The following AKAP11 variants were observed in gnomAD, a reference collection of about 807,000 sequenced individuals.
AKAP11 encodes A-kinase anchor protein 11.
Under a neutral mutation model 146.1 loss-of-function variants are expected in AKAP11, and 36 were observed. That is an observed-to-expected ratio of 0.25 (90% CI 0.19 to 0.33). The LOEUF (loss-of-function observed/expected upper bound fraction) is 0.33. Ranked by LOEUF, AKAP11 falls within the 10% of genes least tolerant of loss-of-function variation. The probability of loss-of-function intolerance (pLI) is 1.00; values close to 1 mark genes in which losing one functional copy is unlikely to be tolerated. For missense variants in AKAP11, 2,201 were observed against 2,197.0 expected, an observed-to-expected ratio of 1.00 and a Z score of -0.04; for synonymous variants, 780 against 786.5, an observed-to-expected ratio of 0.99 and a Z score of 0.14.
intron 12 of AKAP11, 151 bp from the exon 13 acceptor site, chr13:42,318,937 G>A (rs147501807): frequency 7.5e-5 from 65 of 871,602 alleles, no homozygotes; most frequent in South Asian, 3.8e-4. Flanking sequence ...AAGGGGTAGC[G>A]GTTTAGAGGG....
intron 1 of AKAP11, among the ~76,000 whole-genome samples, chr13:42,283,371 T>C (rs1057278551): frequency 6.6e-6 from 1 of 152,202 alleles, no homozygotes; most frequent in East Asian, 1.9e-4. Context: ...AGGGGCATGA[T>C]TATATTTGTC....
rs761048330 is a variant in AKAP11 at position 42,292,339 on chromosome 13, T to A, written c.52-46T>A. On this transcript the variant is annotated intron_variant, in intron 3 of 12. Transcript: ENST00000025301. Reference sequence around the variant, plus strand: ...TCTCCAGGATCTCTTACCCTTGTCTTAGAATTAAATAAATTTGAAATATCT... The same window carrying A: ...TCTCCAGGATCTCTTACCCTTGTCTAAGAATTAAATAAATTTGAAATATCT... The A allele has an allele frequency of 5.6e-6, 7 of 1,244,212 alleles. No individual in the cohort carries two copies. In the Middle Eastern group the frequency reaches 9.7e-4, roughly 173 times the overall value. 77.1% of individuals were successfully genotyped at this position (1,244,212 alleles called of 1,614,324 possible).
chr13:42,271,998 C>A (rs1199686394), upstream of AKAP11, among the ~76,000 whole-genome samples: 1 of 150,546 alleles, frequency 6.6e-6, no homozygotes, highest in African/African-American at 2.4e-5. Flanking sequence ...GCGCTGCCCT[C>A]TCGCGAGAGA....
In AKAP11 at chr13:42,321,805, G is replaced by T. The variant is rs898770643; in HGVS notation, c.*2577G>T. On this transcript the variant is annotated 3_prime_UTR_variant, in exon 13 of 13. Coordinates refer to ENST00000025301, the MANE Select transcript of AKAP11 (RefSeq NM_016248.4). The stretch of plus-strand genomic sequence containing the variant: ...TAATATTGCTGTGCTGTACATTTTG[G>T]CCCTTACGAAATACGTCTTTTTCAG... 1 of 152,180 alleles carries T rather than the reference G, an allele frequency of 6.6e-6. No homozygotes were observed. Among genetic ancestry groups the T allele is most frequent in the Non-Finnish European group, 1.5e-5 (1 of 67,982 alleles). The allele number at this position is 152,180 out of a possible 1,614,324, so 9.4% of individuals were successfully genotyped here. A position where few individuals can be genotyped will look rare whatever the true frequency, so the allele number is the denominator to read the frequency against.
chr13:42,313,190 A>C, intron 10 of AKAP11, 60 bp downstream of exon 10: 46 of 1,280,332 alleles, frequency 3.6e-5, no homozygotes, highest in Non-Finnish European at 4.5e-5. Context: ...GCATGATGTC[A>C]TATTCTTCAA....
At chr13:42,285,865 C>T (rs1425854617) in intron 1 of AKAP11, 121 bp from the exon 2 acceptor site, 2 of 152,410 alleles carry the variant, frequency 1.3e-5, no homozygotes, top group East Asian at 3.8e-4. Context: ...ATGTCAAGAG[C>T]ATTCACTGTT....
In AKAP11 at chr13:42,321,870, T is replaced by A. The variant is rs1388628300; in HGVS notation, c.*2642T>A. The A allele has an allele frequency of 6.6e-6, 1 of 152,308 alleles. No homozygotes were observed. Among genetic ancestry groups the A allele is most frequent in the Non-Finnish European group, 1.5e-5 (1 of 68,006 alleles). 9.4% of individuals were successfully genotyped at this position (152,308 alleles called of 1,614,324 possible). On this transcript the variant is annotated 3_prime_UTR_variant, in exon 13 of 13. Transcript: ENST00000025301. The stretch of plus-strand genomic sequence containing the variant: ...TGATGTACATCGAGCTGAATTCTGT[T>A]TTTACCAGTTTCAAAACCTTCAAGT...
chr13:42,277,035 A>G (rs1471568123), intron 1 of AKAP11, among the ~76,000 whole-genome samples: 2 of 152,222 alleles, frequency 1.3e-5, no homozygotes, highest in Non-Finnish European at 2.9e-5. Context: ...TGAAAGCACA[A>G]TCTCAAGATT....
At chr13:42,289,495 AT>A (rs1290850927) in intron 3 of AKAP11, among the ~76,000 whole-genome samples, 4 of 151,988 alleles carry the variant, frequency 2.6e-5, no homozygotes, top group Admixed American at 2.0e-4. Flanking sequence ...AGTTGCTCAA[AT>A]TTTTCCAAAA....
rs201642251 is a variant in AKAP11 at position 42,308,545 on chromosome 13, T to G, written c.5209T>G (p.Ser1737Ala). 6.2e-7 allele frequency: 1 copy of G among 1,613,492 alleles called. No individual in the cohort carries two copies. Among genetic ancestry groups the G allele is most frequent in the East Asian group, 2.2e-5 (1 of 44,862 alleles). ...SIGDDSTGSW[S>A]NLSFEDEHQD... is the part of the protein sequence containing the mutation. ...TGGTGATGACAGCACTGGTAGCTGG[T>G]CCAATTTAAGTTTTGAAGATGAACA... Residue 1737 changes from serine (S) to alanine (A), a missense_variant, in exon 9 of 13, where the codon TCC (serine) becomes GCC (alanine). Physicochemically the swap from Ser to Ala is moderately conservative, Grantham distance 99 (BLOSUM62 1). Around this residue, in one of 3 missense-constraint regions of AKAP11, gnomAD observed 1,867 missense variants for 1,833.5 expected, o/e 1.02. Coordinates refer to ENST00000025301, the MANE Select transcript of AKAP11 (RefSeq NM_016248.4).
intron 1 of AKAP11, among the ~76,000 whole-genome samples, chr13:42,277,819 T>C (rs1388478681): frequency 6.6e-6 from 1 of 152,246 alleles, no homozygotes; most frequent in Non-Finnish European, 1.5e-5. Flanking sequence ...TGAAATTCAC[T>C]GTTGTATCCC....
At position 42,321,121 on chromosome 13, in the gene AKAP11, A is replaced by G. The variant is rs1455816074; in HGVS notation, c.*1893A>G. The G allele has an allele frequency of 6.6e-6, 1 of 152,336 alleles. No individual in the cohort carries two copies. The highest frequency in any genetic ancestry group is 1.9e-4 in the East Asian group (1 of 5,342). 9.4% of individuals were successfully genotyped at this position (152,336 alleles called of 1,614,324 possible). A position where few individuals can be genotyped will look rare whatever the true frequency, so the allele number is the denominator to read the frequency against. On this transcript the variant is annotated 3_prime_UTR_variant, in exon 13 of 13. Transcript: ENST00000025301. The stretch of plus-strand genomic sequence containing the variant: ...CTAGGAATGTTTGCTCTTGTTAATT[A>G]TGAATTAATTGATTATTAAGTTTAG...
intron 5 of AKAP11, among the ~76,000 whole-genome samples, chr13:42,295,991 A>G (rs1959490340): frequency 6.6e-6 from 1 of 152,250 alleles, no homozygotes. Context: ...ATTTGTAAAA[A>G]TTAACAATTA....
chr13:42,292,331 C>A, intron 3 of AKAP11, 54 bp from the exon 4 acceptor site: 1 of 1,134,656 alleles, frequency 8.8e-7, no homozygotes, highest in Non-Finnish European at 1.3e-6. Context: ...GATCTCTTAC[C>A]CTTGTCTTAG....
At position 42,276,946 on chromosome 13, in the gene AKAP11, C is replaced by T. The variant is rs541700325; in HGVS notation, c.-100+4718C>T. Among the ~76,000 whole-genome samples, 18 of 152,258 alleles carry T rather than the reference C, an allele frequency of 1.2e-4. 1 individual carries two copies. In the South Asian group the frequency reaches 3.7e-3, roughly 32 times the overall value. On this transcript the variant is annotated intron_variant, in intron 1 of 12. Transcript: ENST00000025301. Reference sequence around the variant, plus strand: ...TGGGTTAAAATTCTGAACATATTTTCTGTTAGAAATAGTCTTGTGGATAGG... The same window carrying T: ...TGGGTTAAAATTCTGAACATATTTTTTGTTAGAAATAGTCTTGTGGATAGG...
Position 42,303,104 on chromosome 13 carries a change from A to G in AKAP11, c.4358A>G (p.Gln1453Arg). 2.5e-6 allele frequency: 4 copies of G among 1,614,168 alleles called. No homozygotes were observed. The highest frequency in any genetic ancestry group is 3.4e-6 in the Non-Finnish European group (4 of 1,180,034). ...TLDPYRNEVS[Q>R]LYSFSTSLVH... ...GATCCATATAGAAATGAGGTCTCCC[A>G]ACTGTATAGTTTTTCAACCTCTCTG... The change falls in exon 8 of 13, where the codon CAA (glutamine) becomes CGA (arginine). Residue 1453 changes from glutamine (Q) to arginine (R), a missense_variant. Physicochemically the swap from Gln to Arg is conservative, Grantham distance 43. Coordinates refer to ENST00000025301, the MANE Select transcript of AKAP11 (RefSeq NM_016248.4).
rs1959940283 is a variant in AKAP11, at chr13:42,301,942, T to C, written c.3196T>C (p.Phe1066Leu). 1.9e-6 allele frequency: 3 copies of C among 1,614,076 alleles called. No homozygotes were observed. The highest frequency in any genetic ancestry group is 2.5e-6 in the Non-Finnish European group (3 of 1,180,026). Residue 1066 changes from phenylalanine (F) to leucine (L), a missense_variant, in exon 8 of 13, where the codon TTT becomes CTT. Around this residue, in one of 3 missense-constraint regions of AKAP11, gnomAD observed 1,867 missense variants for 1,833.5 expected, o/e 1.02. Coordinates refer to ENST00000025301, the MANE Select transcript of AKAP11 (RefSeq NM_016248.4). ...EALSFGQENP[F>L]PHSHTFSSTA... ...CTTGTCTTTTGGACAGGAAAACCCC[T>C]TTCCTCATTCACATACTTTCTCATC... is the stretch of plus-strand genomic sequence containing the variant.
chr13:42,315,030 T>G (rs1355077773), intron 11 of AKAP11, among the ~76,000 whole-genome samples: 3 of 152,232 alleles, frequency 2.0e-5, no homozygotes, highest in African/African-American at 7.2e-5. Context: ...ATGTCTTCTA[T>G]AAAGTGCACT....
At position 42,312,967 on chromosome 13, in the gene AKAP11, CAG is replaced by C; in HGVS notation, c.5274-78_5274-77del. 3.4e-6 allele frequency: 4 copies of C among 1,186,454 alleles called. No homozygotes were observed. In the South Asian group the frequency reaches 5.2e-5, roughly 16 times the overall value. The allele number at this position is 1,186,454 out of a possible 1,614,324, so 73.5% of individuals were successfully genotyped here. On this transcript the variant is annotated intron_variant, in intron 9 of 12. Coordinates refer to ENST00000025301, the MANE Select transcript of AKAP11 (RefSeq NM_016248.4). ...TCAGAACATCTGCAGTTATCAAGGA[CAG>C]AAGCTGTTCCGAGGAAACAAAGGTC...
Sources: gnomAD v4.1 joint callset for allele counts (sites outside exome capture counted in the v4.1 genomes callset) on GRCh38, gnomAD v4.1.1 for gene constraint, gnomAD v4.1.1 regional missense constraint, MANE v1.5 for transcripts, NCBI Gene and HGNC (gene_info 2026-07-23, HGNC 2026-07-21) for gene names.